LRMDA: variants seen among roughly 807,000 people sequenced by gnomAD.
The protein encoded by LRMDA is leucine-rich melanocyte differentiation-associated protein.
LRMDA carries 18 observed loss-of-function variants against 29.8 expected under a neutral mutation model. The observed-to-expected ratio is 0.60, with a 90% CI of 0.42 to 0.90. The LOEUF is 0.90. Ranked by LOEUF, LRMDA falls within the 40% of genes least tolerant of loss-of-function variation. The pLI is 0.00. For missense variants in LRMDA, 273 were observed against 273.9 expected (o/e 1.00, Z 0.02); for synonymous variants, 125 against 109.4 (o/e 1.14, Z -0.89).
intron 2 of LRMDA, among the ~76,000 whole-genome samples, chr10:75,755,439 C>G (rs540576970): frequency 6.6e-6 from 1 of 152,172 alleles, no homozygotes; most frequent in African/African-American, 2.4e-5. Flanking sequence ...AGTTTTTGAA[C>G]AGTGAACAAG....
chr10:76,068,380 C>A (rs997298457), intron 5 of LRMDA, among the ~76,000 whole-genome samples: 1 of 152,102 alleles, frequency 6.6e-6, no homozygotes, highest in Admixed American at 6.6e-5. Flanking sequence ...GTTTCTGGCA[C>A]CAGGGACTAG....
At chr10:75,998,093 G>A (rs1847502596) in intron 2 of LRMDA, among the ~76,000 whole-genome samples, 1 of 152,190 alleles carries the variant, frequency 6.6e-6, no homozygotes, top group African/African-American at 2.4e-5. Flanking sequence ...ATGCGAACAG[G>A]TAACTGTGGT....
intron 2 of LRMDA, among the ~76,000 whole-genome samples, chr10:75,657,158 C>G (rs1343654249): frequency 6.6e-6 from 1 of 152,138 alleles, no homozygotes; most frequent in African/African-American, 2.4e-5. Context: ...TTTGAAGCCT[C>G]AAGGAGTTTA....
intron 5 of LRMDA, among the ~76,000 whole-genome samples, chr10:76,117,863 G>T (rs929849093): frequency 6.6e-6 from 1 of 152,216 alleles, no homozygotes; most frequent in African/African-American, 2.4e-5. Flanking sequence ...TTTTAGTACA[G>T]AGTTCATTGG....
rs751205250 is a variant in LRMDA, at chr10:76,058,749, T to C, written c.482T>C (p.Val161Ala). The change falls in exon 5 of 7, where the codon GTC becomes GCC. Residue 161 changes from valine (V) to alanine (A), a missense_variant. Transcript: ENST00000611255. Reference protein sequence around the residue: ...VTRQEREEALVRGVFMKVVKP... With the variant: ...VTRQEREEALARGVFMKVVKP... ...AGACAAGAACGAGAGGAGGCGTTGGTCAGAGGAGTCTTCATGAAGGTGGTG... is the reference window on the plus strand; with the variant it reads ...AGACAAGAACGAGAGGAGGCGTTGGCCAGAGGAGTCTTCATGAAGGTGGTG... 2.5e-6 allele frequency: 4 copies of C among 1,614,126 alleles called. No individual in the cohort carries two copies. In the Admixed American group the frequency reaches 6.7e-5, roughly 27 times the overall value.
intron 2 of LRMDA, among the ~76,000 whole-genome samples, chr10:75,895,126 C>T (rs1055056014): frequency 2.0e-5 from 3 of 152,078 alleles, no homozygotes; most frequent in Non-Finnish European, 4.4e-5. Flanking sequence ...CTGTGGTTAC[C>T]ACCATCCTTT....
At chr10:76,520,968 G>GATAAAA (rs1843112646) in intron 6 of LRMDA, among the ~76,000 whole-genome samples, 1 of 151,902 alleles carries the variant, frequency 6.6e-6, no homozygotes, top group African/African-American at 2.4e-5. Context: ...AAAAAATAGA[G>GATAAAA]ACATATTTTC....
At chr10:75,871,624 C>G (rs939560687) in intron 2 of LRMDA, among the ~76,000 whole-genome samples, 3 of 152,214 alleles carry the variant, frequency 2.0e-5, no homozygotes, top group Admixed American at 6.5e-5. Context: ...TTCCTGCCCC[C>G]GTGTCCTCTC....
chr10:75,989,932 A>C (rs900287606), intron 2 of LRMDA, among the ~76,000 whole-genome samples: 1 of 152,112 alleles, frequency 6.6e-6, no homozygotes, highest in African/African-American at 2.4e-5. Context: ...GTCATGGTGA[A>C]ATCCCCCCCG....
chr10:76,258,012 TTTCC>T, intron 5 of LRMDA, among the ~76,000 whole-genome samples: 1 of 152,364 alleles, frequency 6.6e-6, no homozygotes, highest in Admixed American at 6.5e-5. Context: ...CTTTTAGGCA[TTTCC>T]TTGTATAACA....
chr10:76,149,988 G>C (rs1850408453), intron 5 of LRMDA, among the ~76,000 whole-genome samples: 2 of 152,174 alleles, frequency 1.3e-5, no homozygotes, highest in African/African-American at 4.8e-5. Context: ...GGCTCCCTAG[G>C]GTTTGGCCAT....
chr10:76,547,220 T>G (rs1843432156), intron 6 of LRMDA, among the ~76,000 whole-genome samples: 1 of 152,242 alleles, frequency 6.6e-6, no homozygotes, highest in Admixed American at 6.5e-5. Flanking sequence ...TTTAGTATTT[T>G]GAATGCTTCT....
intron 2 of LRMDA, among the ~76,000 whole-genome samples, chr10:76,008,460 A>G (rs1347877310): frequency 2.0e-5 from 3 of 152,052 alleles, no homozygotes; most frequent in Non-Finnish European, 4.4e-5. Flanking sequence ...GAAACACATT[A>G]ACTCATCTTT....
At chr10:75,530,267 T>A (rs1845461378) in intron 2 of LRMDA, among the ~76,000 whole-genome samples, 1 of 151,004 alleles carries the variant, frequency 6.6e-6, no homozygotes, top group African/African-American at 2.5e-5. Flanking sequence ...TATTTAGAAT[T>A]TGAAAAAAAA....
intron 2 of LRMDA, among the ~76,000 whole-genome samples, chr10:76,035,098 T>G (rs74537224): frequency 6.8e-6 from 1 of 147,490 alleles, no homozygotes; most frequent in Non-Finnish European, 1.5e-5. Context: ...TTTCTGCTGT[T>G]TTTTTTTTTT....
At chr10:76,267,365 A>C (rs923684607) in intron 5 of LRMDA, among the ~76,000 whole-genome samples, 2 of 152,192 alleles carry the variant, frequency 1.3e-5, no homozygotes, top group Non-Finnish European at 2.9e-5. Flanking sequence ...TGTAAGCATA[A>C]AATTCAGTGG....
chr10:75,457,127 A>G (rs1844526837), intron 2 of LRMDA, among the ~76,000 whole-genome samples: 1 of 152,214 alleles, frequency 6.6e-6, no homozygotes, highest in African/African-American at 2.4e-5. Context: ...GACAGAGAAC[A>G]AAAATGTGCA....
At chr10:75,700,374 C>A (rs1842290375) in intron 2 of LRMDA, among the ~76,000 whole-genome samples, 1 of 148,868 alleles carries the variant, frequency 6.7e-6, no homozygotes, top group Admixed American at 6.7e-5. Flanking sequence ...TTGGTGAGTG[C>A]AAAGAATTTT....
intron 2 of LRMDA, among the ~76,000 whole-genome samples, chr10:75,847,501 C>T (rs991688359): frequency 7.2e-5 from 11 of 152,090 alleles, no homozygotes; most frequent in African/African-American, 2.7e-4. Context: ...CAAAAATAGA[C>T]AAATGGAACT....
Sources: allele counts gnomAD v4.1 joint callset (sites outside exome capture counted in the v4.1 genomes callset), GRCh38; gene constraint gnomAD v4.1.1; transcripts MANE v1.5; gene names NCBI Gene and HGNC (gene_info 2026-07-23, HGNC 2026-07-21).